FGGY: variants seen among roughly 807,000 people sequenced by gnomAD.
FGGY encodes the protein FGGY carbohydrate kinase domain containing, also known as FGGY carbohydrate kinase domain-containing protein.
In FGGY, 72 loss-of-function variants were observed where a neutral mutation model predicts 71.3. The ratio of observed to expected loss-of-function variants is 1.01; its 90% CI spans 0.84 to 1.23. The LOEUF is 1.23. Ranked by LOEUF, FGGY falls within the 50% of genes most tolerant of loss-of-function variation. FGGY has a pLI of 0.00. For missense variants in FGGY, 668 were observed against 682.3 expected (o/e 0.98, Z 0.23); for synonymous variants, 251 against 250.3 (o/e 1.00, Z -0.02).
chr1:59,572,430 T>C (rs899745625), intron 8 of FGGY, among the ~76,000 whole-genome samples: 1 of 152,188 alleles, frequency 6.6e-6, no homozygotes, highest in African/African-American at 2.4e-5. Context: ...GGGTAGCATA[T>C]GCTGGGCTTG....
At chr1:59,719,893 A>G (rs755964270) in intron 14 of FGGY, among the ~76,000 whole-genome samples, 5 of 152,216 alleles carry the variant, frequency 3.3e-5, no homozygotes, top group Non-Finnish European at 7.3e-5. Context: ...TGTGGCATGC[A>G]TCACCCTTAA....
At chr1:59,372,801 A>G (rs1344115295) in intron 4 of FGGY, among the ~76,000 whole-genome samples, 1 of 152,168 alleles carries the variant, frequency 6.6e-6, no homozygotes, top group Non-Finnish European at 1.5e-5. Context: ...AGAACCAAAG[A>G]CAAAAACCAC....
At position 59,468,613 on chromosome 1, in the gene FGGY, C is replaced by CCACCACTT. The variant is rs1383248672; in HGVS notation, c.670+11537_670+11538insCACCACTT. On this transcript the variant is annotated intron_variant, in intron 6 of 15. Transcript: ENST00000303721. Reference sequence around the variant, plus strand: ...CTTGGCTGGGCGTGGTGGCTCACACCTGTAATCCCAGCACTTTGGGAGGCC... The same window carrying CCACCACTT: ...CTTGGCTGGGCGTGGTGGCTCACACCCACCACTTTGTAATCCCAGCACTTTGGGAGGCC... Among the ~76,000 whole-genome samples, 5 of 152,102 alleles carry CCACCACTT rather than the reference C, an allele frequency of 3.3e-5. No homozygotes were observed. In the East Asian group the frequency reaches 7.7e-4, roughly 23 times the overall value.
At chr1:59,574,194 C>T (rs2096038916) in intron 8 of FGGY, among the ~76,000 whole-genome samples, 1 of 152,214 alleles carries the variant, frequency 6.6e-6, no homozygotes, top group African/African-American at 2.4e-5. Context: ...GCCGTACTCC[C>T]TCTGGAGGTT....
chr1:59,665,619 C>T (rs1300558112), intron 12 of FGGY, among the ~76,000 whole-genome samples: 2 of 152,114 alleles, frequency 1.3e-5, no homozygotes, highest in South Asian at 2.1e-4. Flanking sequence ...GCCCTCTACC[C>T]CCAACCCCCC....
chr1:59,494,738 G>A (rs907245245), intron 6 of FGGY, among the ~76,000 whole-genome samples: 5 of 152,176 alleles, frequency 3.3e-5, no homozygotes, highest in Non-Finnish European at 7.3e-5. Flanking sequence ...AAAGAGCAGA[G>A]AGTGCCAGAA....
At chr1:59,705,954 T>C (rs2097755002) in intron 14 of FGGY, among the ~76,000 whole-genome samples, 1 of 152,198 alleles carries the variant, frequency 6.6e-6, no homozygotes, top group Non-Finnish European at 1.5e-5. Context: ...TGAGGCAATT[T>C]CCTGATGATA....
chr1:59,529,217 A>G (rs2095073157), intron 7 of FGGY, among the ~76,000 whole-genome samples: 1 of 152,250 alleles, frequency 6.6e-6, no homozygotes, highest in African/African-American at 2.4e-5. Context: ...GTTCTACAGG[A>G]ATTTTAAAAA....
chr1:59,759,281 G>C (rs774292031), intron 15 of FGGY, among the ~76,000 whole-genome samples: 8 of 152,096 alleles, frequency 5.3e-5, no homozygotes, highest in Non-Finnish European at 1.0e-4. Context: ...ATAGAGTCAG[G>C]CTGCTAACCC....
rs1056493247 is a variant in FGGY, at chr1:59,356,180, C to T, written c.465+9782C>T. On this transcript the variant is annotated intron_variant, in intron 4 of 15. Coordinates refer to ENST00000303721, the MANE Select transcript of FGGY (RefSeq NM_018291.5). ...CCTTTTTCAGCCCTACCCCTCTGAG[C>T]ACTTGAATTTGAGACTTAGGCTGTG... Among the ~76,000 whole-genome samples the T allele has an allele frequency of 1.3e-5, 2 of 152,090 alleles. 1 individual carries two copies. The highest frequency in any genetic ancestry group is 1.3e-4 in the Admixed American group (2 of 15,272).
chr1:59,455,670 G>C (rs1282959479), intron 5 of FGGY, among the ~76,000 whole-genome samples: 1 of 152,184 alleles, frequency 6.6e-6, no homozygotes, highest in East Asian at 1.9e-4. Flanking sequence ...TAAGACTGTA[G>C]GGGAGCAATA....
Position 59,674,037 on chromosome 1 carries a change from AG to A in FGGY, c.1418del. On this transcript the variant is annotated splice_acceptor_variant, in intron 13 of 15. Transcript: ENST00000303721. LOFTEE classifies it high-confidence loss of function. The stretch of plus-strand genomic sequence containing the variant: ...ACCAAGGTGTGGCCTTGTCCTGCGC[AG>A]GCATGCCTGTGGTCCTGTCGCAAGA... The A allele has an allele frequency of 6.2e-7, 1 of 1,612,960 alleles. No individual in the cohort carries two copies. Among genetic ancestry groups the A allele is most frequent in the Non-Finnish European group, 8.5e-7 (1 of 1,179,498 alleles).
At chr1:59,519,158 C>T (rs2094749894) in intron 7 of FGGY, among the ~76,000 whole-genome samples, 2 of 152,176 alleles carry the variant, frequency 1.3e-5, no homozygotes, top group Non-Finnish European at 2.9e-5. Flanking sequence ...GACTTAAGCC[C>T]ATGCTTTGTG....
At chr1:59,375,524 C>T (rs2058524021) in intron 4 of FGGY, among the ~76,000 whole-genome samples, 1 of 152,148 alleles carries the variant, frequency 6.6e-6, no homozygotes, top group Non-Finnish European at 1.5e-5. Flanking sequence ...GTTGCTCATC[C>T]CACAAATATT....
At chr1:59,346,194 A>T in intron 3 of FGGY, 53 bp from the exon 4 acceptor site, 1 of 1,601,578 alleles carries the variant, frequency 6.2e-7, no homozygotes. Flanking sequence ...GTTCCCTTGA[A>T]TTAGAAGGAA....
At chr1:59,411,318 C>T (rs1489211301) in intron 5 of FGGY, among the ~76,000 whole-genome samples, 2 of 152,216 alleles carry the variant, frequency 1.3e-5, no homozygotes, top group Non-Finnish European at 2.9e-5. Flanking sequence ...TTGTGCCTTT[C>T]ACAGTGCATC....
chr1:59,545,653 G>A (rs1476395763), intron 7 of FGGY, among the ~76,000 whole-genome samples: 1 of 148,258 alleles, frequency 6.7e-6, no homozygotes, highest in Non-Finnish European at 1.5e-5. Context: ...GATCTTTCTG[G>A]GTAGGAAGGA....
At chr1:59,330,988 A>G (rs749474333) in intron 2 of FGGY, among the ~76,000 whole-genome samples, 14 of 151,816 alleles carry the variant, frequency 9.2e-5, no homozygotes, top group Non-Finnish European at 2.1e-4. Flanking sequence ...TTTTTAAACT[A>G]TAAACTTTGG....
intron 7 of FGGY, among the ~76,000 whole-genome samples, chr1:59,525,779 T>C (rs979466896): frequency 6.6e-6 from 1 of 152,228 alleles, no homozygotes; most frequent in Non-Finnish European, 1.5e-5. Context: ...TAAACTCCCA[T>C]TTAAACATAT....
Sources: allele counts gnomAD v4.1 joint callset (sites outside exome capture counted in the v4.1 genomes callset), GRCh38; gene constraint gnomAD v4.1.1; transcripts MANE v1.5; gene names NCBI Gene and HGNC (gene_info 2026-07-23, HGNC 2026-07-21).